The following KLHL29 variants were observed in gnomAD, a reference collection of about 807,000 sequenced individuals.
The protein encoded by KLHL29 is kelch like family member 29.
A neutral mutation model predicts 80.4 loss-of-function variants in KLHL29; 21 were observed. That is an observed-to-expected ratio of 0.26 (90% CI 0.19 to 0.38). KLHL29 has a LOEUF of 0.38. Ranked by LOEUF, KLHL29 falls within the 10% of genes least tolerant of loss-of-function variation. The probability of loss-of-function intolerance (pLI) is 1.00; values close to 1 mark genes in which losing one functional copy is unlikely to be tolerated. For missense variants in KLHL29, 867 were observed against 1,223.9 expected, an observed-to-expected ratio of 0.71 and a Z score of 4.35; for synonymous variants, 511 against 526.8, an observed-to-expected ratio of 0.97 and a Z score of 0.41.
At chr2:23,566,262 C>T (rs982806096) in intron 3 of KLHL29, among the ~76,000 whole-genome samples, 1 of 152,190 alleles carries the variant, frequency 6.6e-6, no homozygotes, top group Non-Finnish European at 1.5e-5. Flanking sequence ...TGGCTCAGAC[C>T]AATCAGCAGC....
chr2:23,517,540 G>A (rs983508274), intron 2 of KLHL29, among the ~76,000 whole-genome samples: 4 of 152,228 alleles, frequency 2.6e-5, no homozygotes, highest in Non-Finnish European at 4.4e-5. Context: ...GCGAGACTCC[G>A]TCTCAATAAA....
rs569332601 is a variant in KLHL29 at position 23,620,747 on chromosome 2, G to T, written c.286-18392G>T. On this transcript the variant is annotated intron_variant, in intron 3 of 13. Coordinates refer to ENST00000486442, the MANE Select transcript of KLHL29 (RefSeq NM_052920.2). ...CAACAAGACCAGATGCAGGAACAGG[G>T]TCCCCATCCAGAGGTGGGAGAGGGA... 2.6e-5 allele frequency among the ~76,000 whole-genome samples: 4 copies of T among 152,332 alleles called. No homozygotes were observed. In the South Asian group the frequency reaches 6.2e-4, roughly 24 times the overall value.
Position 23,503,941 on chromosome 2 carries a change from A to G in KLHL29, c.-46+28274A>G, listed in dbSNP as rs904407123. Among the ~76,000 whole-genome samples, 3 of 152,192 alleles carry G rather than the reference A, an allele frequency of 2.0e-5. No individual in the cohort carries two copies. The highest frequency in any genetic ancestry group is 2.9e-5 in the Non-Finnish European group (2 of 68,034). On this transcript the variant is annotated intron_variant, in intron 2 of 13. Coordinates refer to ENST00000486442, the MANE Select transcript of KLHL29 (RefSeq NM_052920.2). The surrounding 1 kb of genome is among the most constrained non-coding windows in gnomAD (Gnocchi z 4.0). ...TCCTCCACTAGGAGCCTCTGGTTCC[A>G]GCCCAGATGAACCCACTGGGCTGGG...
chr2:23,424,187 C>T (rs780594704), intron 1 of KLHL29, among the ~76,000 whole-genome samples: 15 of 152,228 alleles, frequency 9.9e-5, no homozygotes, highest in Non-Finnish European at 1.9e-4. Flanking sequence ...GTGGGAAATG[C>T]ATCAGATTTA....
At chr2:23,401,719 G>A (rs1349583485) in intron 1 of KLHL29, among the ~76,000 whole-genome samples, 1 of 152,162 alleles carries the variant, frequency 6.6e-6, no homozygotes. Flanking sequence ...CTGAGCAGAG[G>A]GACTATCTGC....
In KLHL29 at chr2:23,550,026, C is replaced by T. The variant is rs532342852; in HGVS notation, c.-45-12126C>T. On this transcript the variant is annotated intron_variant, in intron 2 of 13. Transcript: ENST00000486442. ...GGTCTACCCTGGCCTACCCTGCCTGCTCCAGCCCAGCGTGGTCCCTCCCCT... is the reference window on the plus strand; with the variant it reads ...GGTCTACCCTGGCCTACCCTGCCTGTTCCAGCCCAGCGTGGTCCCTCCCCT... Among the ~76,000 whole-genome samples, 4 of 152,290 alleles carry T rather than the reference C, an allele frequency of 2.6e-5. No homozygotes were observed. The South Asian group carries it at 6.2e-4, about 24-fold the overall frequency.
chr2:23,474,591 A>G (rs1326963720), intron 1 of KLHL29, among the ~76,000 whole-genome samples: 8 of 152,180 alleles, frequency 5.3e-5, no homozygotes, highest in Admixed American at 5.2e-4. Context: ...CAGCTTGAAA[A>G]TGGCTATTTG....
intron 5 of KLHL29, among the ~76,000 whole-genome samples, chr2:23,657,171 G>A (rs1442430231): frequency 1.3e-5 from 2 of 152,122 alleles, no homozygotes; most frequent in Non-Finnish European, 2.9e-5. Context: ...TTCCTGGGCC[G>A]AATGAATTTG....
chr2:23,423,419 C>T (rs997868258), intron 1 of KLHL29, among the ~76,000 whole-genome samples: 3 of 152,226 alleles, frequency 2.0e-5, no homozygotes, highest in Admixed American at 1.3e-4. Context: ...CGCGGGCTGT[C>T]CCCTGCTTTG....
chr2:23,581,833 A>AAAAAAC (rs1191221757), intron 3 of KLHL29, among the ~76,000 whole-genome samples: 3 of 151,622 alleles, frequency 2.0e-5, no homozygotes, highest in African/African-American at 4.8e-5. Context: ...TGCCTCAAAA[A>AAAAAAC]AAAAAAAAAA....
chr2:23,418,289 T>G (rs1229314290), intron 1 of KLHL29, among the ~76,000 whole-genome samples: 1 of 152,130 alleles, frequency 6.6e-6, no homozygotes, highest in African/African-American at 2.4e-5. Context: ...TTGTCAGCCC[T>G]TGGTGATGGA....
At chr2:23,508,650 C>T (rs1027887408) in intron 2 of KLHL29, among the ~76,000 whole-genome samples, 1 of 152,212 alleles carries the variant, frequency 6.6e-6, no homozygotes, top group Non-Finnish European at 1.5e-5. Context: ...ATCTCAGCCG[C>T]GGGATCCCCG....
At chr2:23,652,525 AGCT>A (rs1433168181) in intron 5 of KLHL29, among the ~76,000 whole-genome samples, 1 of 152,154 alleles carries the variant, frequency 6.6e-6, no homozygotes, top group Admixed American at 6.5e-5. Context: ...CAGTGGCCTC[AGCT>A]GCTCATCCTG....
At chr2:23,627,537 G>A (rs1416842248) in intron 3 of KLHL29, among the ~76,000 whole-genome samples, 2 of 152,246 alleles carry the variant, frequency 1.3e-5, no homozygotes, top group Non-Finnish European at 2.9e-5. Flanking sequence ...ACTTGTTTGG[G>A]TGAGTCTTGA....
At chr2:23,598,434 T>C (rs1413372989) in intron 3 of KLHL29, among the ~76,000 whole-genome samples, 1 of 152,120 alleles carries the variant, frequency 6.6e-6, no homozygotes. Flanking sequence ...GTACTGCATG[T>C]GCGCACACTC....
At chr2:23,483,853 T>C (rs915723075) in intron 2 of KLHL29, among the ~76,000 whole-genome samples, 6 of 152,164 alleles carry the variant, frequency 3.9e-5, no homozygotes, top group Admixed American at 2.6e-4. Context: ...CCAGGGGCCC[T>C]TCTTGTTCCC....
chr2:23,675,895 T>G (rs12233033), intron 5 of KLHL29, among the ~76,000 whole-genome samples: 80,326 of 152,010 alleles, frequency 0.53, 23,338 homozygotes, highest in East Asian at 0.77. Flanking sequence ...TGGGGGAATG[T>G]GATCTAACCC....
At chr2:23,615,524 C>T (rs552346303) in intron 3 of KLHL29, among the ~76,000 whole-genome samples, 20 of 152,020 alleles carry the variant, frequency 1.3e-4, no homozygotes, top group Non-Finnish European at 2.4e-4. Context: ...CCAGGGAGGA[C>T]GTCCCCGGGC....
intron 3 of KLHL29, among the ~76,000 whole-genome samples, chr2:23,618,267 G>A (rs1669073183): frequency 6.6e-6 from 1 of 152,106 alleles, no homozygotes; most frequent in Non-Finnish European, 1.5e-5. Context: ...AGTAGATGGT[G>A]GGACAGTGAA....
Sources: allele counts gnomAD v4.1 joint callset (sites outside exome capture counted in the v4.1 genomes callset), GRCh38; gene constraint gnomAD v4.1.1; non-coding constraint Gnocchi (gnomAD v3.1); transcripts MANE v1.5; gene names NCBI Gene and HGNC (gene_info 2026-07-23, HGNC 2026-07-21).